The following APBB2 variants were observed in gnomAD, a reference collection of about 807,000 sequenced individuals.
The protein encoded by APBB2 is amyloid beta precursor protein binding family B member 2, also known as Fe65-like 1.
A neutral mutation model predicts 82.5 loss-of-function variants in APBB2; 38 were observed. The ratio of observed to expected loss-of-function variants is 0.46; its 90% CI spans 0.36 to 0.60. The LOEUF (loss-of-function observed/expected upper bound fraction) is 0.60, where lower values mean the gene tolerates loss of function less well. Among genes scored for constraint, APBB2 ranks in the 20% least tolerant of loss-of-function variants. APBB2 has a pLI of 0.00. For missense variants in APBB2, 772 were observed against 972.3 expected, an observed-to-expected ratio of 0.79 and a Z score of 2.74; for synonymous variants, 341 against 368.2, an observed-to-expected ratio of 0.93 and a Z score of 0.85.
chr4:40,855,594 G>A (rs903097481), intron 12 of APBB2, among the ~76,000 whole-genome samples: 1 of 152,058 alleles, frequency 6.6e-6, no homozygotes, highest in African/African-American at 2.4e-5. Context: ...AAATTAGCCG[G>A]GTGTGGTGGT....
At chr4:41,134,207 C>A (rs943977680) in intron 2 of APBB2, among the ~76,000 whole-genome samples, 1 of 152,060 alleles carries the variant, frequency 6.6e-6, no homozygotes, top group African/African-American at 2.4e-5. Context: ...GTCTGGAACT[C>A]CTGGTCTCAA....
At chr4:40,992,833 C>G (rs954642960) in intron 6 of APBB2, among the ~76,000 whole-genome samples, 3 of 152,148 alleles carry the variant, frequency 2.0e-5, no homozygotes. Context: ...CAAGCCAAAC[C>G]ACAGGGCCGG....
At chr4:40,933,007 G>C (rs1784587700) in intron 10 of APBB2, among the ~76,000 whole-genome samples, 1 of 152,146 alleles carries the variant, frequency 6.6e-6, no homozygotes, top group East Asian at 1.9e-4. Context: ...GGGATTACAG[G>C]CATGTGCCAA....
At position 41,141,332 on chromosome 4, in the gene APBB2, CTGTG is replaced by C. The variant is rs112919629; in HGVS notation, c.-261+1651_-261+1654del. On this transcript the variant is annotated intron_variant, in intron 2 of 17. Coordinates refer to ENST00000508593, the MANE Select transcript of APBB2 (RefSeq NM_004307.2). Reference sequence around the variant, plus strand: ...TGTGTGTCTGTGTGTGTGTGTGTGTCTGTGTGTGTGTGTGTCTGTGTGTCTGTGT... The same window carrying C: ...TGTGTGTCTGTGTGTGTGTGTGTGTCTGTGTGTGTGTCTGTGTGTCTGTGT... Among the ~76,000 whole-genome samples the C allele has an allele frequency of 3.7e-5, 4 of 108,232 alleles. No individual in the cohort carries two copies. The South Asian group carries it at 1.1e-3, about 31-fold the overall frequency. The allele number at this position is 108,232 out of a possible 152,430, so 71.0% of individuals were successfully genotyped here. A position where few individuals can be genotyped will look rare whatever the true frequency, so the allele number is the denominator to read the frequency against.
At chr4:40,997,203 T>C (rs1359567053) in intron 6 of APBB2, among the ~76,000 whole-genome samples, 1 of 152,180 alleles carries the variant, frequency 6.6e-6, no homozygotes, top group Admixed American at 6.5e-5. Context: ...GTCGGGGAGA[T>C]GCATTTGAGA....
At position 40,825,872 on chromosome 4, in the gene APBB2, A is replaced by T; in HGVS notation, c.1816+15T>A. 1 of 1,610,474 alleles carries T rather than the reference A, an allele frequency of 6.2e-7. No individual in the cohort carries two copies. Among genetic ancestry groups the T allele is most frequent in the Non-Finnish European group, 8.5e-7 (1 of 1,176,842 alleles). On this transcript the variant is annotated intron_variant, in intron 15 of 17. Coordinates refer to ENST00000508593, the MANE Select transcript of APBB2 (RefSeq NM_004307.2). ...CACACTTGCAAAGTGGAAAGACAAT[A>T]AACATTTCACATACCGACTGGTTTG...
At chr4:40,928,778 G>A (rs908283364) in intron 10 of APBB2, among the ~76,000 whole-genome samples, 2 of 149,810 alleles carry the variant, frequency 1.3e-5, no homozygotes, top group African/African-American at 2.5e-5. Flanking sequence ...CCAGCTACTC[G>A]GCAGGCAGGG....
intron 6 of APBB2, among the ~76,000 whole-genome samples, chr4:40,949,541 C>T (rs868101307): frequency 2.1e-4 from 32 of 152,156 alleles, no homozygotes; most frequent in African/African-American, 6.7e-4. Context: ...ACTGCAAAGC[C>T]GCTTAATGGC....
At chr4:41,015,464 T>C (rs1009558936) in intron 5 of APBB2, among the ~76,000 whole-genome samples, 1 of 152,218 alleles carries the variant, frequency 6.6e-6, no homozygotes, top group African/African-American at 2.4e-5. Context: ...GAAATTATAT[T>C]CTGACAATTC....
chr4:40,950,042 C>T (rs759140873), intron 6 of APBB2, among the ~76,000 whole-genome samples: 4 of 152,092 alleles, frequency 2.6e-5, no homozygotes, highest in Non-Finnish European at 5.9e-5. Flanking sequence ...GGACCAACTG[C>T]GGGGGCTACT....
In APBB2 at chr4:41,156,068, T is replaced by G. The variant is rs374533321; in HGVS notation, c.-416-12926A>C. Among the ~76,000 whole-genome samples, 77 of 152,040 alleles carry G rather than the reference T, an allele frequency of 5.1e-4. 1 individual carries two copies. Among genetic ancestry groups the G allele is most frequent in the Middle Eastern group, 3.4e-3 (1 of 294 alleles). ...TAGTACATAAGTTGACAGATATGGC[T>G]TTATGAATTGTTCTCAGAGACTTAA... On this transcript the variant is annotated intron_variant, in intron 1 of 17. Transcript: ENST00000508593.
chr4:40,999,841 A>G (rs1804641591), intron 6 of APBB2, among the ~76,000 whole-genome samples: 2 of 152,046 alleles, frequency 1.3e-5, no homozygotes, highest in African/African-American at 4.8e-5. Context: ...ATAATTGTTT[A>G]ATTGTCGTGC....
chr4:41,183,846 G>A (rs1434897887), intron 1 of APBB2, among the ~76,000 whole-genome samples: 1 of 151,840 alleles, frequency 6.6e-6, no homozygotes, highest in Non-Finnish European at 1.5e-5. Context: ...GGGGGTGGGA[G>A]GGGGCGGTTC....
intron 3 of APBB2, among the ~76,000 whole-genome samples, chr4:41,077,707 G>A (rs963994468): frequency 1.3e-5 from 2 of 152,140 alleles, no homozygotes; most frequent in Non-Finnish European, 2.9e-5. Flanking sequence ...ATCTACACAT[G>A]CTTTCTCACA....
At chr4:41,208,860 T>C (rs991677264) in intron 1 of APBB2, among the ~76,000 whole-genome samples, 3 of 152,220 alleles carry the variant, frequency 2.0e-5, no homozygotes, top group Admixed American at 6.5e-5. Flanking sequence ...ACATTTTATA[T>C]ATCAATAAAT....
At chr4:40,985,075 A>G (rs188581323) in intron 6 of APBB2, among the ~76,000 whole-genome samples, 54 of 151,380 alleles carry the variant, frequency 3.6e-4, no homozygotes, top group Admixed American at 1.5e-3. Flanking sequence ...GCACCACCAC[A>G]CCCAGCTAAT....
intron 4 of APBB2, among the ~76,000 whole-genome samples, chr4:41,036,111 T>C (rs771987923): frequency 6.6e-6 from 1 of 152,116 alleles, no homozygotes; most frequent in Non-Finnish European, 1.5e-5. Flanking sequence ...TGAGCTATGA[T>C]TGCACCATTG....
Position 40,816,210 on chromosome 4 carries a change from CG to C in APBB2, c.2161del (p.Arg721AspfsTer10). 2 of 1,614,080 alleles carry C rather than the reference CG, an allele frequency of 1.2e-6. No homozygotes were observed. Among genetic ancestry groups the C allele is most frequent in the Non-Finnish European group, 1.7e-6 (2 of 1,180,024 alleles). Reference protein sequence around the residue: ...LVARPPSQKVRPPPPPADSVT... With the variant: ...LVARPPSQKVXPPPPPADSVT... The stretch of plus-strand genomic sequence containing the variant: ...TGAATCTGCTGGCGGTGGAGGTGGT[CG>C]AACTTTCTGAGAAGGCGGCCTGGCT... On this transcript the variant is annotated frameshift_variant, in exon 18 of 18. Transcript: ENST00000508593. LOFTEE classifies it high-confidence loss of function.
intron 4 of APBB2, among the ~76,000 whole-genome samples, chr4:41,050,128 A>C (rs1303784951): frequency 6.6e-6 from 1 of 152,218 alleles, no homozygotes; most frequent in Non-Finnish European, 1.5e-5. Flanking sequence ...AAAAAATAAA[A>C]ATAAAAATAA....
Sources: allele counts gnomAD v4.1 joint callset (sites outside exome capture counted in the v4.1 genomes callset), GRCh38; gene constraint gnomAD v4.1.1; transcripts MANE v1.5; gene names NCBI Gene and HGNC (gene_info 2026-07-23, HGNC 2026-07-21).